The following TRHDE variants were observed in gnomAD, a reference collection of about 807,000 sequenced individuals.
TRHDE encodes the protein thyrotropin releasing hormone degrading enzyme, also known as thyrotropin-releasing hormone-degrading ectoenzyme.
TRHDE carries 72 observed loss-of-function variants against 125.7 expected under a neutral mutation model. The observed-to-expected ratio is 0.57, with a 90% confidence interval of 0.47 to 0.70. The LOEUF (loss-of-function observed/expected upper bound fraction) is 0.70, where lower values mean the gene tolerates loss of function less well. Among genes scored for constraint, TRHDE ranks in the 30% least tolerant of loss-of-function variants. TRHDE has a pLI of 0.00. For synonymous variants in TRHDE, 509 were observed against 509.1 expected, an observed-to-expected ratio of 1.00 and a Z score of 0.00; for missense variants, 1,110 against 1,327.1, an observed-to-expected ratio of 0.84 and a Z score of 2.54.
Position 72,652,401 on chromosome 12 carries a change from A to G in TRHDE, c.2755A>G (p.Met919Val). ...TGAGGATGTCTGGGAATTCATATGG[A>G]TGAAATTCCATTCCACCACAGCAGT... Reference protein sequence around the residue: ...LDEDVWEFIWMKFHSTTAVSE... With the variant: ...LDEDVWEFIWVKFHSTTAVSE... The change falls in exon 16 of 19, where the codon ATG becomes GTG. Residue 919 changes from methionine to valine, a missense_variant. This residue lies in a region of TRHDE where 527 missense variants were observed against 651.8 expected (regional missense o/e 0.81). Coordinates refer to ENST00000261180, the MANE Select transcript of TRHDE (RefSeq NM_013381.3). 1 of 1,606,874 alleles carries G rather than the reference A, an allele frequency of 6.2e-7. No homozygotes were observed. The highest frequency in any genetic ancestry group is 8.5e-7 in the Non-Finnish European group (1 of 1,175,634).
intron 1 of TRHDE, 50 bp from the exon 2 acceptor site, chr12:72,286,631 C>A: frequency 6.5e-7 from 1 of 1,549,376 alleles, no homozygotes; most frequent in South Asian, 1.2e-5. Flanking sequence ...GTGGCCATAA[C>A]TTAACTCACA....
intron 17 of TRHDE, 120 bp from the exon 18 acceptor site, chr12:72,656,807 T>C: frequency 1.5e-6 from 1 of 679,718 alleles, no homozygotes; most frequent in South Asian, 1.7e-5. Flanking sequence ...CTCAGAGATC[T>C]GGCAGTCTCT....
intron 2 of TRHDE, among the ~76,000 whole-genome samples, chr12:72,343,749 G>A (rs1870187815): frequency 6.6e-6 from 1 of 152,026 alleles, no homozygotes; most frequent in Non-Finnish European, 1.5e-5. Context: ...AGAGTAATGT[G>A]AAACTTAAAA....
intron 12 of TRHDE, among the ~76,000 whole-genome samples, chr12:72,617,031 CTTA>C (rs1244163477): frequency 6.6e-6 from 1 of 152,150 alleles, no homozygotes; most frequent in East Asian, 1.9e-4. Context: ...CAAAATTTCA[CTTA>C]TTATTGGGAT....
At chr12:72,108,047 C>T (rs368012245) in intron 2 of TRHDE, among the ~76,000 whole-genome samples, 6 of 151,986 alleles carry the variant, frequency 3.9e-5, no homozygotes, top group African/African-American at 1.2e-4. Flanking sequence ...AAAATTATGG[C>T]TTCCTAATAA....
At chr12:72,419,281 G>A (rs1201982425) in intron 3 of TRHDE, among the ~76,000 whole-genome samples, 2 of 152,126 alleles carry the variant, frequency 1.3e-5, no homozygotes, top group African/African-American at 4.8e-5. Context: ...AATGTAAAAA[G>A]TTGTATACAA....
At chr12:72,266,517 T>C (rs1315804770) in intron 2 of TRHDE, among the ~76,000 whole-genome samples, 1 of 151,174 alleles carries the variant, frequency 6.6e-6, no homozygotes, top group Non-Finnish European at 1.5e-5. Flanking sequence ...AATTATTTCT[T>C]TGTTCAGGGT....
chr12:72,174,095 G>A (rs1310373694), intron 2 of TRHDE, among the ~76,000 whole-genome samples: 1 of 152,158 alleles, frequency 6.6e-6, no homozygotes, highest in South Asian at 2.1e-4. Context: ...CTTGAAAAAT[G>A]CTTGTGCTTT....
At chr12:72,371,167 C>G (rs1307634469) in intron 2 of TRHDE, among the ~76,000 whole-genome samples, 3 of 152,038 alleles carry the variant, frequency 2.0e-5, no homozygotes, top group Admixed American at 1.3e-4. Context: ...TCATCCTCCT[C>G]TTGGTAGCTT....
chr12:72,545,835 C>G (rs1869389102), intron 7 of TRHDE, among the ~76,000 whole-genome samples: 1 of 151,546 alleles, frequency 6.6e-6, no homozygotes, highest in South Asian at 2.1e-4. Flanking sequence ...ATGTTATATG[C>G]TAAGAACTGT....
chr12:72,519,812 A>G (rs1879088038), intron 6 of TRHDE, among the ~76,000 whole-genome samples: 1 of 151,954 alleles, frequency 6.6e-6, no homozygotes, highest in Non-Finnish European at 1.5e-5. Flanking sequence ...TGATGTACAG[A>G]TGGGTTTTTG....
At position 72,667,361 on chromosome 12, in the gene TRHDE, A is replaced by T. The variant is rs1026101106; in HGVS notation, c.*4166A>T. Reference sequence around the variant, plus strand: ...TTATCAGAGATAATTATCAGAGATAATTTTTCATTATCAGAGATCATAGCT... The same window carrying T: ...TTATCAGAGATAATTATCAGAGATATTTTTTCATTATCAGAGATCATAGCT... On this transcript the variant is annotated 3_prime_UTR_variant, in exon 19 of 19. Coordinates refer to ENST00000261180, the MANE Select transcript of TRHDE (RefSeq NM_013381.3). 3 of 151,740 alleles carry T rather than the reference A, an allele frequency of 2.0e-5. No individual in the cohort carries two copies. Among genetic ancestry groups the T allele is most frequent in the African/African-American group, 7.2e-5 (3 of 41,392 alleles). 9.4% of individuals were successfully genotyped at this position (151,740 alleles called of 1,614,324 possible).
At chr12:72,509,790 C>T (rs1878509352) in intron 6 of TRHDE, among the ~76,000 whole-genome samples, 1 of 152,126 alleles carries the variant, frequency 6.6e-6, no homozygotes, top group Non-Finnish European at 1.5e-5. Flanking sequence ...ACCTATTATA[C>T]TGCCTGTGTG....
chr12:72,330,370 A>G (rs1869537634), intron 2 of TRHDE, among the ~76,000 whole-genome samples: 1 of 152,114 alleles, frequency 6.6e-6, no homozygotes, highest in Admixed American at 6.5e-5. Flanking sequence ...AAAAAGCCAA[A>G]GCAATTCAGA....
intron 2 of TRHDE, among the ~76,000 whole-genome samples, chr12:72,225,960 G>A (rs1052689454): frequency 6.6e-6 from 1 of 152,218 alleles, no homozygotes; most frequent in Admixed American, 6.5e-5. Context: ...TCTAAGAGGT[G>A]TCATGACTCC....
intron 6 of TRHDE, among the ~76,000 whole-genome samples, chr12:72,537,530 G>T (rs1868926621): frequency 6.6e-6 from 1 of 152,024 alleles, no homozygotes; most frequent in Non-Finnish European, 1.5e-5. Flanking sequence ...GGCTTCCCCA[G>T]CCATGTGGAA....
chr12:72,254,903 G>A (rs1878772285), intron 2 of TRHDE: 1 of 152,104 alleles, frequency 6.6e-6, no homozygotes, highest in South Asian at 2.1e-4. Context: ...CAAAAATGAT[G>A]TCCCATTCTC....
intron 5 of TRHDE, among the ~76,000 whole-genome samples, chr12:72,498,294 A>T (rs554122860): frequency 6.6e-6 from 1 of 152,214 alleles, no homozygotes; most frequent in Non-Finnish European, 1.5e-5. Flanking sequence ...ACACACATTT[A>T]TGTCCAGTCA....
chr12:72,582,712 A>T (rs1277294669), intron 12 of TRHDE: 2 of 756,002 alleles, frequency 2.6e-6, no homozygotes, highest in East Asian at 2.6e-4. Flanking sequence ...TTTTGTGAGA[A>T]ATACTTTGGC....
Sources: gnomAD v4.1 joint callset for allele counts (sites outside exome capture counted in the v4.1 genomes callset) on GRCh38, gnomAD v4.1.1 for gene constraint, gnomAD v4.1.1 regional missense constraint, MANE v1.5 for transcripts, NCBI Gene and HGNC (gene_info 2026-07-23, HGNC 2026-07-21) for gene names.